The following TNRC6A variants were observed in gnomAD, a reference collection of about 807,000 sequenced individuals.
TNRC6A encodes the protein trinucleotide repeat containing adaptor 6A.
A neutral mutation model predicts 221.2 loss-of-function variants in TNRC6A; 44 were observed. The ratio of observed to expected loss-of-function variants is 0.20; its 90% CI spans 0.16 to 0.26. The LOEUF is 0.26. TNRC6A is among the 10% of genes least tolerant of loss of function. The pLI is 1.00. For missense variants in TNRC6A, 2,199 were observed against 2,404.4 expected, an observed-to-expected ratio of 0.91 and a Z score of 1.79; for synonymous variants, 847 against 838.5, an observed-to-expected ratio of 1.01 and a Z score of -0.18.
chr16:24,782,063 C>T (rs1050124106), intron 5 of TNRC6A, among the ~76,000 whole-genome samples: 1 of 152,130 alleles, frequency 6.6e-6, no homozygotes, highest in African/African-American at 2.4e-5. Flanking sequence ...ACCTTGTGAT[C>T]TGCCCGCCTC....
chr16:24,723,602 A>AG (rs2056448030), intron 2 of TNRC6A, among the ~76,000 whole-genome samples: 1 of 151,660 alleles, frequency 6.6e-6, no homozygotes, highest in African/African-American at 2.4e-5. Context: ...AAAAAAAAAA[A>AG]AAAAGTCAGT....
rs58299677 is a variant in TNRC6A at position 24,660,739 on chromosome 16, C to CTTTTTTTTTTTTT, written n.402+19738_402+19750dup. On this transcript the variant is annotated intron_variant and non_coding_transcript_variant, in intron 2 of 2. Transcript: ENST00000566108. The stretch of plus-strand genomic sequence containing the variant: ...TCTTTTTCTTTTTTCTTTTTTTTTT[C>CTTTTTTTTTTTTT]TTTTTTTTTTTTTTTTTTTTGAGAC... Among the ~76,000 whole-genome samples the CTTTTTTTTTTTTT allele has an allele frequency of 5.6e-3, 511 of 91,294 alleles. 3 individuals carry two copies. Among genetic ancestry groups the CTTTTTTTTTTTTT allele is most frequent in the African/African-American group, 0.013 (278 of 21,894 alleles). The allele number at this position is 91,294 out of a possible 152,430, so 59.9% of individuals were successfully genotyped here. A position where few individuals can be genotyped will look rare whatever the true frequency, so the allele number is the denominator to read the frequency against.
intron 2 of TNRC6A, among the ~76,000 whole-genome samples, chr16:24,718,556 T>C (rs2056355723): frequency 6.6e-6 from 1 of 152,138 alleles, no homozygotes; most frequent in South Asian, 2.1e-4. Flanking sequence ...AAGCACAATA[T>C]AGGGATTGTC....
intron 2 of TNRC6A, among the ~76,000 whole-genome samples, chr16:24,687,144 A>T (rs960275854): frequency 3.3e-5 from 5 of 152,164 alleles, no homozygotes; most frequent in African/African-American, 1.2e-4. Flanking sequence ...AGTCCATAGG[A>T]GGGAGATACT....
chr16:24,716,696 G>A (rs11860570), intron 2 of TNRC6A, among the ~76,000 whole-genome samples: 15,424 of 151,678 alleles, frequency 0.1, 1,800 homozygotes, highest in East Asian at 0.36. Flanking sequence ...ATGGTGGCTC[G>A]CACCTGTAAT....
chr16:24,817,066 A>G (rs1432350118), intron 20 of TNRC6A, 110 bp downstream of exon 20: 1 of 1,170,276 alleles, frequency 8.5e-7, no homozygotes, highest in Non-Finnish European at 1.1e-6. Flanking sequence ...CTCTGGGATC[A>G]CTTGAGCCCA....
intron 4 of TNRC6A, among the ~76,000 whole-genome samples, chr16:24,767,862 A>G (rs1292556583): frequency 6.6e-6 from 1 of 152,150 alleles, no homozygotes; most frequent in Non-Finnish European, 1.5e-5. Context: ...TATTATGTTT[A>G]TGTTTTTTCT....
At chr16:24,786,970 G>T (rs6497756) in intron 5 of TNRC6A, among the ~76,000 whole-genome samples, 49,145 of 151,978 alleles carry the variant, frequency 0.32, 8,275 homozygotes, top group East Asian at 0.46. Flanking sequence ...CATAAGCCAC[G>T]GCGCCCGGCC....
chr16:24,618,642 ATTTTTT>A lies in TNRC6A; in HGVS notation n.276+8179_276+8184del, dbSNP rs61228496. Among the ~76,000 whole-genome samples, 438 of 88,074 alleles carry A rather than the reference ATTTTTT, an allele frequency of 5.0e-3. 4 individuals carry two copies. The highest frequency in any genetic ancestry group is 0.019 in the African/African-American group (408 of 21,988). The allele number at this position is 88,074 out of a possible 152,430, so 57.8% of individuals were successfully genotyped here. ...ATTCCTTTTACTTTCCATTTCATGA[ATTTTTT>A]TTTTTTTTTTTTTTTTTTTTGAGAC... On this transcript the variant is annotated intron_variant and non_coding_transcript_variant, in intron 1 of 2. Transcript: ENST00000566108.
rs113489743 is a variant in TNRC6A, at chr16:24,745,794, AT to A, written c.54-4931del. 7.6e-4 allele frequency among the ~76,000 whole-genome samples: 38 copies of A among 49,932 alleles called. 1 individual carries two copies. Among genetic ancestry groups the A allele is most frequent in the African/African-American group, 2.5e-3 (30 of 11,816 alleles). 32.8% of individuals were successfully genotyped at this position (49,932 alleles called of 152,430 possible). The stretch of plus-strand genomic sequence containing the variant: ...GTAGCTGAGACTACAGGTATGTACC[AT>A]CCCCCCCCCCCCCAGCTAATTGTTA... On this transcript the variant is annotated intron_variant, in intron 2 of 24. Coordinates refer to ENST00000395799, the MANE Select transcript of TNRC6A (RefSeq NM_014494.4).
intron 2 of TNRC6A, among the ~76,000 whole-genome samples, chr16:24,730,870 G>A (rs1417672296): frequency 6.6e-6 from 1 of 150,500 alleles, no homozygotes; most frequent in Non-Finnish European, 1.5e-5. Flanking sequence ...GTCCATGTTC[G>A]GTGTGTGCTC....
chr16:24,754,144 A>G (rs1258570990), intron 3 of TNRC6A, among the ~76,000 whole-genome samples: 1 of 152,210 alleles, frequency 6.6e-6, no homozygotes, highest in Non-Finnish European at 1.5e-5. Context: ...AATGGTCCCC[A>G]GTAGCCACTG....
intron 5 of TNRC6A, among the ~76,000 whole-genome samples, chr16:24,786,776 C>G (rs562097208): frequency 6.6e-6 from 1 of 152,150 alleles, no homozygotes; most frequent in African/African-American, 2.4e-5. Context: ...CCTCTGCCTC[C>G]GCGGTTTAAG....
intron 2 of TNRC6A, among the ~76,000 whole-genome samples, chr16:24,679,187 G>A (rs1245385388): frequency 5.3e-5 from 8 of 151,864 alleles, no homozygotes; most frequent in African/African-American, 1.5e-4. Flanking sequence ...TAATAGAGAC[G>A]GGGTTTCTCC....
intron 5 of TNRC6A, among the ~76,000 whole-genome samples, chr16:24,786,286 C>G (rs1264774300): frequency 7.6e-6 from 1 of 132,214 alleles, no homozygotes; most frequent in East Asian, 2.5e-4. Flanking sequence ...GTTCAGAGTC[C>G]TTTTTTGTTT....
Position 24,722,308 on chromosome 16 carries a change from G to T in TNRC6A, n.403-28418G>T, listed in dbSNP as rs537500618. On this transcript the variant is annotated intron_variant and non_coding_transcript_variant, in intron 2 of 2. Coordinates refer to the TNRC6A transcript ENST00000566108. ...ACACACCTCTCATTCTTGCTACTTG[G>T]GAAGCTGAGACGGGAGGATCAGTTG... is the stretch of plus-strand genomic sequence containing the variant. Among the ~76,000 whole-genome samples, 6 of 152,220 alleles carry T rather than the reference G, an allele frequency of 3.9e-5. No homozygotes were observed. The South Asian group carries it at 1.2e-3, about 32-fold the overall frequency.
chr16:24,619,355 A>G (rs549339795), intron 1 of TNRC6A, among the ~76,000 whole-genome samples: 5 of 152,326 alleles, frequency 3.3e-5, no homozygotes, highest in Admixed American at 6.5e-5. Flanking sequence ...TATAGATGCA[A>G]TAAGAATTAA....
chr16:24,719,718 G>C (rs2056376753), intron 2 of TNRC6A, among the ~76,000 whole-genome samples: 2 of 151,914 alleles, frequency 1.3e-5, no homozygotes, highest in Non-Finnish European at 2.9e-5. Context: ...GTGTCCGTCT[G>C]TAGTCCCAGC....
Position 24,749,879 on chromosome 16 carries a change from C to T in TNRC6A, c.54-847C>T, listed in dbSNP as rs370571928. The stretch of plus-strand genomic sequence containing the variant: ...ATTAGACCAGGCGTGGTGGCTCACA[C>T]CTGTAATCCCAACACTTTGGGAGGT... On this transcript the variant is annotated intron_variant, in intron 2 of 24. Transcript: ENST00000395799. Among the ~76,000 whole-genome samples the T allele has an allele frequency of 7.2e-5, 11 of 152,266 alleles. No individual in the cohort carries two copies. In the East Asian group the frequency reaches 1.4e-3, roughly 19 times the overall value.
Sources: allele counts gnomAD v4.1 joint callset (sites outside exome capture counted in the v4.1 genomes callset), GRCh38; gene constraint gnomAD v4.1.1; transcripts MANE v1.5; gene names NCBI Gene and HGNC (gene_info 2026-07-23, HGNC 2026-07-21).